LRRC4C: variants seen among roughly 807,000 people sequenced by gnomAD.
LRRC4C encodes the protein leucine rich repeat containing 4C, also known as leucine-rich repeat-containing protein 4C.
In LRRC4C, 5 loss-of-function variants were observed where a neutral mutation model predicts 33.6. The observed-to-expected ratio is 0.15, with a 90% CI of 0.08 to 0.31. The LOEUF (loss-of-function observed/expected upper bound fraction) is 0.31. Among genes scored for constraint, LRRC4C ranks in the 10% least tolerant of loss-of-function variants. LRRC4C has a pLI of 1.00. For missense variants in LRRC4C, 560 were observed against 796.7 expected (o/e 0.70, Z 3.58); for synonymous variants, 329 against 302.0 (o/e 1.09, Z -0.93).
At chr11:40,265,972 T>C (rs1942226904) in intron 4 of LRRC4C, among the ~76,000 whole-genome samples, 2 of 152,176 alleles carry the variant, frequency 1.3e-5, no homozygotes, top group Admixed American at 6.5e-5. Flanking sequence ...AGTAAAAACG[T>C]GCAGCACATT....
intron 5 of LRRC4C, among the ~76,000 whole-genome samples, chr11:40,146,025 T>C (rs1857706913): frequency 6.6e-6 from 1 of 152,182 alleles, no homozygotes; most frequent in Non-Finnish European, 1.5e-5. Flanking sequence ...GGGTAGAAGA[T>C]GGTATATATA....
At chr11:41,353,489 C>G (rs527671654) in intron 1 of LRRC4C, among the ~76,000 whole-genome samples, 1 of 152,098 alleles carries the variant, frequency 6.6e-6, no homozygotes, top group South Asian at 2.1e-4. Context: ...TCCCAAATAT[C>G]AAGGAAGGGG....
chr11:41,197,678 A>G (rs1048864547), intron 1 of LRRC4C, among the ~76,000 whole-genome samples: 1 of 152,018 alleles, frequency 6.6e-6, no homozygotes, highest in African/African-American at 2.4e-5. Context: ...CTAATAGGTG[A>G]TGAATTTTCA....
At chr11:40,675,491 G>A (rs1392997237) in intron 2 of LRRC4C, among the ~76,000 whole-genome samples, 3 of 152,136 alleles carry the variant, frequency 2.0e-5, no homozygotes, top group Middle Eastern at 3.4e-3. Context: ...GGGCCTCAAC[G>A]CTGCATCCCT....
chr11:41,051,206 T>C (rs1858181767), intron 1 of LRRC4C, among the ~76,000 whole-genome samples: 1 of 152,316 alleles, frequency 6.6e-6, no homozygotes, highest in African/African-American at 2.4e-5. Context: ...TAAAGATCTC[T>C]TTAAAAGCTA....
chr11:40,621,540 C>CT (rs35143072), intron 3 of LRRC4C, among the ~76,000 whole-genome samples: 68,474 of 151,296 alleles, frequency 0.45, 16,660 homozygotes, highest in Middle Eastern at 0.59. Flanking sequence ...AGGCAAGTTG[C>CT]TTTTTTTGCC....
chr11:40,263,816 C>T (rs998435441), intron 4 of LRRC4C, among the ~76,000 whole-genome samples: 4 of 151,366 alleles, frequency 2.6e-5, no homozygotes, highest in Non-Finnish European at 5.9e-5. Flanking sequence ...AACGAAGCTG[C>T]TCATCCTATA....
chr11:40,459,800 G>C (rs1005836351), intron 3 of LRRC4C, among the ~76,000 whole-genome samples: 3 of 151,038 alleles, frequency 2.0e-5, no homozygotes, highest in African/African-American at 4.8e-5. Context: ...AGGGGTCCTT[G>C]TTGTTGGTGC....
chr11:40,744,190 A>T (rs1464011951), intron 2 of LRRC4C, among the ~76,000 whole-genome samples: 1 of 152,160 alleles, frequency 6.6e-6, no homozygotes, highest in Non-Finnish European at 1.5e-5. Context: ...GAGATAGATG[A>T]CACATAATAA....
At chr11:41,369,200 G>T (rs1216248173) in intron 1 of LRRC4C, among the ~76,000 whole-genome samples, 1 of 152,134 alleles carries the variant, frequency 6.6e-6, no homozygotes, top group Non-Finnish European at 1.5e-5. Flanking sequence ...TATGCACAAA[G>T]ATAATTTTAG....
chr11:40,700,076 G>T (rs999824011), intron 2 of LRRC4C, among the ~76,000 whole-genome samples: 1 of 152,100 alleles, frequency 6.6e-6, no homozygotes, highest in Non-Finnish European at 1.5e-5. Context: ...GTTAAGGGGA[G>T]GGGGACTTTT....
intron 5 of LRRC4C, among the ~76,000 whole-genome samples, chr11:40,151,598 A>C (rs970555411): frequency 1.3e-5 from 2 of 152,230 alleles, no homozygotes; most frequent in African/African-American, 2.4e-5. Flanking sequence ...GTTCTGAAGT[A>C]GTTCGCGGAA....
At chr11:40,877,584 C>A (rs1037957394) in intron 2 of LRRC4C, among the ~76,000 whole-genome samples, 1 of 152,160 alleles carries the variant, frequency 6.6e-6, no homozygotes, top group South Asian at 2.1e-4. Flanking sequence ...GGAACAGCAG[C>A]CTCTCCTAAA....
At chr11:40,816,212 TCTAGGCCACTAGA>T (rs997452267) in intron 2 of LRRC4C, among the ~76,000 whole-genome samples, 1 of 152,198 alleles carries the variant, frequency 6.6e-6, no homozygotes, top group Admixed American at 6.5e-5. Context: ...GATCATTAAT[TCTAGGCCACTAGA>T]GGTTATCAGG....
chr11:40,385,082 C>T (rs1188339241), intron 3 of LRRC4C, among the ~76,000 whole-genome samples: 1 of 151,932 alleles, frequency 6.6e-6, no homozygotes, highest in Non-Finnish European at 1.5e-5. Flanking sequence ...TCAGTATAAA[C>T]ACTTTTTAAC....
chr11:40,773,666 A>G (rs1473681074), intron 2 of LRRC4C, among the ~76,000 whole-genome samples: 1 of 152,104 alleles, frequency 6.6e-6, no homozygotes, highest in Non-Finnish European at 1.5e-5. Flanking sequence ...ACAATATTGT[A>G]GGGAACATTA....
At chr11:40,931,595 C>A (rs1370798626) in intron 2 of LRRC4C, among the ~76,000 whole-genome samples, 1 of 152,032 alleles carries the variant, frequency 6.6e-6, no homozygotes. Flanking sequence ...TTGATATATA[C>A]TGCAGGCATT....
At chr11:40,206,580 G>A (rs760465810) in intron 5 of LRRC4C, among the ~76,000 whole-genome samples, 3 of 152,102 alleles carry the variant, frequency 2.0e-5, no homozygotes, top group Non-Finnish European at 4.4e-5. Flanking sequence ...ATTGTTCAAT[G>A]CAGGATGTGG....
intron 3 of LRRC4C, among the ~76,000 whole-genome samples, chr11:40,418,038 G>A (rs541764973): frequency 1.5e-5 from 2 of 130,108 alleles, no homozygotes; most frequent in South Asian, 5.4e-4. Context: ...AGCAAAGGCA[G>A]ACAGCTGTAA....
Sources: allele counts gnomAD v4.1 joint callset (sites outside exome capture counted in the v4.1 genomes callset), GRCh38; gene constraint gnomAD v4.1.1; transcripts MANE v1.5; gene names NCBI Gene and HGNC (gene_info 2026-07-23, HGNC 2026-07-21).